PCDH15: variants seen among roughly 807,000 people sequenced by gnomAD.
The protein encoded by PCDH15 is protocadherin related 15.
A neutral mutation model predicts 178.5 loss-of-function variants in PCDH15; 129 were observed. The ratio of observed to expected loss-of-function variants is 0.72; its 90% CI spans 0.63 to 0.84. PCDH15 has a LOEUF of 0.84. Ranked by LOEUF, PCDH15 falls within the 40% of genes least tolerant of loss-of-function variation. The pLI is 0.00. For synonymous variants in PCDH15, 800 were observed against 732.0 expected (o/e 1.09, Z -1.50); for missense variants, 2,230 against 2,099.9 (o/e 1.06, Z -1.21).
intron 2 of PCDH15, among the ~76,000 whole-genome samples, chr10:55,331,292 T>A (rs1403523105): frequency 6.6e-6 from 1 of 152,016 alleles, no homozygotes; most frequent in Admixed American, 6.6e-5. Flanking sequence ...TTTGTAGTAC[T>A]GTAGGTGATG....
At chr10:55,439,667 A>G (rs1176035457) in intron 2 of PCDH15, among the ~76,000 whole-genome samples, 2 of 152,136 alleles carry the variant, frequency 1.3e-5, no homozygotes, top group African/African-American at 2.4e-5. Flanking sequence ...ATAGAAACAT[A>G]TAACTAAAAT....
chr10:55,303,395 A>C (rs1012400437), intron 1 of PCDH15, among the ~76,000 whole-genome samples: 2 of 152,148 alleles, frequency 1.3e-5, no homozygotes, highest in Non-Finnish European at 2.9e-5. Flanking sequence ...GAGATGCCCT[A>C]AGTTATCTCC....
intron 2 of PCDH15, among the ~76,000 whole-genome samples, chr10:55,526,554 C>G (rs892940736): frequency 1.3e-5 from 2 of 151,978 alleles, no homozygotes; most frequent in African/African-American, 4.8e-5. Flanking sequence ...ACTCTTTCTA[C>G]CATACAAAAT....
chr10:54,978,868 T>C (rs559163410), intron 2 of PCDH15, among the ~76,000 whole-genome samples: 5 of 152,322 alleles, frequency 3.3e-5, no homozygotes, highest in South Asian at 2.1e-4. Flanking sequence ...ACATGAGGTA[T>C]ACATGTTAGT....
intron 22 of PCDH15, among the ~76,000 whole-genome samples, chr10:53,961,543 C>T (rs573399824): frequency 1.1e-4 from 16 of 151,516 alleles, no homozygotes; most frequent in South Asian, 2.1e-4. Flanking sequence ...GAGATCAAAA[C>T]GCAAATTCTA....
At chr10:55,164,476 C>T (rs528421541) in intron 2 of PCDH15, among the ~76,000 whole-genome samples, 1 of 150,306 alleles carries the variant, frequency 6.7e-6, no homozygotes, top group African/African-American at 2.4e-5. Context: ...ATAAGATATA[C>T]AAAATGCTGT....
intron 3 of PCDH15, among the ~76,000 whole-genome samples, chr10:54,418,887 C>T (rs1954832086): frequency 6.6e-6 from 1 of 151,820 alleles, no homozygotes; most frequent in Non-Finnish European, 1.5e-5. Context: ...ACATTCACTT[C>T]AAGGGTTGAT....
At chr10:55,386,432 A>G (rs1837661416) in intron 2 of PCDH15, among the ~76,000 whole-genome samples, 1 of 151,028 alleles carries the variant, frequency 6.6e-6, no homozygotes, top group African/African-American at 2.4e-5. Context: ...ACAAAAAAAA[A>G]TGAAGCTACT....
chr10:53,869,269 C>T (rs558430165), intron 26 of PCDH15, among the ~76,000 whole-genome samples: 3 of 152,172 alleles, frequency 2.0e-5, no homozygotes, highest in African/African-American at 4.8e-5. Flanking sequence ...AGAAAATGAA[C>T]AAAGAAAGAA....
At position 54,195,758 on chromosome 10, in the gene PCDH15, C is replaced by G. The variant is rs145217188; in HGVS notation, c.1230G>C (p.Val410=). The change falls in exon 11 of 38, where the codon GTG becomes GTC. Residue 410 remains valine (V), a synonymous_variant. Coordinates refer to ENST00000644397, the MANE Select transcript of PCDH15 (RefSeq NM_001384140.1). The stretch of plus-strand genomic sequence containing the variant: ...TGAGACTGTCCGAAATGGTTGCTCC[C>G]ACTGGGGCAGATTCCAGGATATAGC... ...YQGYILESAP[V]GATISDSLNL... 5.6e-6 allele frequency: 9 copies of G among 1,614,090 alleles called. No individual in the cohort carries two copies. In the African/African-American group the frequency reaches 1.2e-4, roughly 22 times the overall value.
intron 2 of PCDH15, among the ~76,000 whole-genome samples, chr10:55,443,519 A>T (rs1839244153): frequency 6.6e-6 from 1 of 152,194 alleles, no homozygotes; most frequent in Non-Finnish European, 1.5e-5. Flanking sequence ...GCGGCCAAAA[A>T]CCATATGAAA....
intron 2 of PCDH15, among the ~76,000 whole-genome samples, chr10:54,929,466 T>G (rs192962564): frequency 6.6e-6 from 1 of 152,292 alleles, no homozygotes; most frequent in Non-Finnish European, 1.5e-5. Context: ...GTTGGAGAGA[T>G]TTTGGTATAG....
chr10:53,925,939 A>G (rs1212959678), intron 25 of PCDH15, among the ~76,000 whole-genome samples: 1 of 152,148 alleles, frequency 6.6e-6, no homozygotes, highest in African/African-American at 2.4e-5. Context: ...CTCATGCTAT[A>G]TGATTTTTTT....
rs2077570237 is a variant in PCDH15 at position 53,840,397 on chromosome 10, A to G, written c.3906T>C (p.Asp1302=). 5 of 1,613,980 alleles carry G rather than the reference A, an allele frequency of 3.1e-6. No homozygotes were observed. The East Asian group carries it at 8.9e-5, about 29-fold the overall frequency. ...AGACAGTCAAGTCACATTTGGTGTA[A>G]TCTTCTAGGGAAAAGGCATCTCCAT... ...RRHGDAFSLE[D]YTKCDLTVYA... The change falls in exon 29 of 38, where the codon GAT becomes GAC. Residue 1302 remains aspartate (D), a synonymous_variant. Coordinates refer to ENST00000644397, the MANE Select transcript of PCDH15 (RefSeq NM_001384140.1).
At chr10:54,517,656 A>C (rs1394326690) in intron 3 of PCDH15, among the ~76,000 whole-genome samples, 2 of 152,190 alleles carry the variant, frequency 1.3e-5, no homozygotes, top group Admixed American at 6.5e-5. Context: ...GATCAATGAG[A>C]CAGAAAGTTA....
chr10:55,385,580 T>C (rs948800238), intron 2 of PCDH15, among the ~76,000 whole-genome samples: 4 of 151,198 alleles, frequency 2.6e-5, no homozygotes, highest in Non-Finnish European at 5.9e-5. Context: ...ATGGCTCTAA[T>C]TACAAGAAAG....
chr10:55,039,609 T>A (rs1840817392), intron 2 of PCDH15, among the ~76,000 whole-genome samples: 4 of 152,102 alleles, frequency 2.6e-5, no homozygotes, highest in Admixed American at 2.6e-4. Flanking sequence ...AACTCATGAA[T>A]ACTCCCAAAT....
chr10:55,006,294 C>T (rs1260688154), intron 2 of PCDH15, among the ~76,000 whole-genome samples: 1 of 152,070 alleles, frequency 6.6e-6, no homozygotes, highest in African/African-American at 2.4e-5. Context: ...CCTTCGGTTA[C>T]TACCTTTCTA....
At chr10:54,020,134 C>T (rs573684732) in intron 20 of PCDH15, 58 bp downstream of exon 20, 3 of 1,470,036 alleles carry the variant, frequency 2.0e-6, no homozygotes, top group Admixed American at 1.7e-5. Context: ...ATAGAAGGAA[C>T]AAAACCTACA....
Sources: allele counts gnomAD v4.1 joint callset (sites outside exome capture counted in the v4.1 genomes callset), GRCh38; gene constraint gnomAD v4.1.1; transcripts MANE v1.5; gene names NCBI Gene and HGNC (gene_info 2026-07-23, HGNC 2026-07-21).